Variants in YIPF4 observed in about 807,000 individuals in gnomAD.
The protein encoded by YIPF4 is protein YIPF4.
YIPF4 carries 18 observed loss-of-function variants against 29.4 expected under a neutral mutation model. The ratio of observed to expected loss-of-function variants is 0.61; its 90% confidence interval spans 0.42 to 0.91. YIPF4 has a LOEUF of 0.91. Among genes scored for constraint, YIPF4 ranks in the 40% least tolerant of loss-of-function variants. The pLI is 0.00. For synonymous variants in YIPF4, 115 were observed against 104.7 expected (o/e 1.10, Z -0.60); for missense variants, 279 against 282.7 (o/e 0.99, Z 0.09).
intron 2 of YIPF4, among the ~76,000 whole-genome samples, 161 bp from the exon 3 acceptor site, chr2:32,292,016 T>A (rs2030939547): frequency 6.6e-6 from 1 of 152,252 alleles, no homozygotes; most frequent in Non-Finnish European, 1.5e-5. Context: ...GTTAAAAATG[T>A]ACAGCTTGGA....
At chr2:32,292,084 C>G in intron 2 of YIPF4, 93 bp from the exon 3 acceptor site, 1 of 806,532 alleles carries the variant, frequency 1.2e-6, no homozygotes, top group Non-Finnish European at 1.8e-6. Flanking sequence ...GAGATTATAA[C>G]TGTCTTATTT....
intron 1 of YIPF4, 124 bp downstream of exon 1, chr2:32,278,358 C>A (rs1343473971): frequency 2.2e-6 from 2 of 914,546 alleles, no homozygotes; most frequent in Non-Finnish European, 3.2e-6. Flanking sequence ...CTGGTGACTG[C>A]AGCCCACCAC....
At position 32,310,996 on chromosome 2, in the gene YIPF4, C is replaced by T. The variant is rs2031706325; in HGVS notation, c.*5370C>T. 6.6e-6 allele frequency: 1 copy of T among 152,176 alleles called. No individual in the cohort carries two copies. Among genetic ancestry groups the T allele is most frequent in the South Asian group, 2.1e-4 (1 of 4,832 alleles). The allele number at this position is 152,176 out of a possible 1,614,324, so 9.4% of individuals were successfully genotyped here. ...TTGTGTGTTTGAGAATCTCTTGACA[C>T]TCTTCAAGTAAATCCCTAAATTACA... On this transcript the variant is annotated 3_prime_UTR_variant, in exon 6 of 6. Transcript: ENST00000238831.
intron 3 of YIPF4, among the ~76,000 whole-genome samples, chr2:32,292,552 T>C (rs2148962107): frequency 6.6e-6 from 1 of 152,264 alleles, no homozygotes; most frequent in East Asian, 1.9e-4. Context: ...TTCCACATCA[T>C]GATTCACATA....
At chr2:32,298,819 A>G (rs2031290034) in intron 4 of YIPF4, among the ~76,000 whole-genome samples, 1 of 152,018 alleles carries the variant, frequency 6.6e-6, no homozygotes, top group African/African-American at 2.4e-5. Context: ...TAGCCTCCCA[A>G]AGTGCTGGGA....
At chr2:32,296,896 T>C (rs2031208231) in intron 3 of YIPF4, among the ~76,000 whole-genome samples, 1 of 152,248 alleles carries the variant, frequency 6.6e-6, no homozygotes, top group East Asian at 1.9e-4. Flanking sequence ...TGATGATTTT[T>C]CTGTTTCCCT....
rs572428933 is a variant in YIPF4 at position 32,301,721 on chromosome 2, A to T, written c.597+226A>T. Among the ~76,000 whole-genome samples the T allele has an allele frequency of 9.2e-5, 14 of 152,276 alleles. No homozygotes were observed. In the East Asian group the frequency reaches 2.7e-3, roughly 29 times the overall value. ...TGGGGGAAAAAACAAAGAGCAAATC[A>T]GGTTTCAGGATATTATAGTCAGATT... is the stretch of plus-strand genomic sequence containing the variant. On this transcript the variant is annotated intron_variant, in intron 5 of 5. Transcript: ENST00000238831.
intron 3 of YIPF4, among the ~76,000 whole-genome samples, chr2:32,295,032 G>A (rs369394376): frequency 4.0e-5 from 6 of 150,744 alleles, no homozygotes; most frequent in Admixed American, 2.0e-4. Flanking sequence ...GTCCAGCTTC[G>A]GCTCGGCATC....
At chr2:32,282,815 G>T (rs942199868) in intron 1 of YIPF4, among the ~76,000 whole-genome samples, 1 of 151,862 alleles carries the variant, frequency 6.6e-6, no homozygotes, top group African/African-American at 2.4e-5. Context: ...GGTGGCTCAC[G>T]CCTGTAATCC....
chr2:32,293,027 C>CT lies in YIPF4; in HGVS notation c.405+687dup, dbSNP rs201766729. On this transcript the variant is annotated intron_variant, in intron 3 of 5. Coordinates refer to ENST00000238831, the MANE Select transcript of YIPF4 (RefSeq NM_032312.4). ...TAATACTCATATTCATATTTCTTAC[C>CT]TTTTTTTTGATTATTTTTATTTTTA... 1.2e-4 allele frequency among the ~76,000 whole-genome samples: 18 copies of CT among 149,628 alleles called. 1 individual carries two copies. The South Asian group carries it at 1.5e-3, about 12-fold the overall frequency.
In YIPF4 at chr2:32,306,771, T is replaced by G. The variant is rs1456751157; in HGVS notation, c.*1145T>G. Reference sequence around the variant, plus strand: ...TTGTAAAGTAGGTAAATCATTTTATTTATGTCCATAAAATATCAAATGTCT... The same window carrying G: ...TTGTAAAGTAGGTAAATCATTTTATGTATGTCCATAAAATATCAAATGTCT... On this transcript the variant is annotated 3_prime_UTR_variant, in exon 6 of 6. Coordinates refer to ENST00000238831, the MANE Select transcript of YIPF4 (RefSeq NM_032312.4). 2 of 219,492 alleles carry G rather than the reference T, an allele frequency of 9.1e-6. No individual in the cohort carries two copies. The highest frequency in any genetic ancestry group is 1.5e-5 in the Non-Finnish European group (2 of 129,338). The allele number at this position is 219,492 out of a possible 1,614,324, so 13.6% of individuals were successfully genotyped here. A position where few individuals can be genotyped will look rare whatever the true frequency, so the allele number is the denominator to read the frequency against.
At chr2:32,285,359 G>A (rs184562427) in intron 1 of YIPF4, among the ~76,000 whole-genome samples, 356 of 152,266 alleles carry the variant, frequency 2.3e-3, no homozygotes, top group African/African-American at 6.9e-3. Flanking sequence ...GCAAGGAAAT[G>A]TTGACAATAG....
In YIPF4 at chr2:32,290,497, A is replaced by T; in HGVS notation, c.94A>T (p.Ile32Leu). ...TTTCTCCTAAGATCTCAGTGGTTCA[A>T]TAGCATCCCCAGATGTCAAATTAAA... is the stretch of plus-strand genomic sequence containing the variant. Reference protein sequence around the residue: ...SADAEDLSGSIASPDVKLNLG... With the variant: ...SADAEDLSGSLASPDVKLNLG... Residue 32 changes from isoleucine (I) to leucine (L), a missense_variant, in exon 2 of 6, where the codon ATA becomes TTA. Coordinates refer to ENST00000238831, the MANE Select transcript of YIPF4 (RefSeq NM_032312.4). 6.4e-7 allele frequency: 1 copy of T among 1,565,266 alleles called. No individual in the cohort carries two copies. The highest frequency in any genetic ancestry group is 8.6e-7 in the Non-Finnish European group (1 of 1,157,078).
At chr2:32,298,121 A>C in intron 3 of YIPF4, 113 bp from the exon 4 acceptor site, 1 of 757,900 alleles carries the variant, frequency 1.3e-6, no homozygotes, top group South Asian at 1.6e-5. Flanking sequence ...TAATCTCTCT[A>C]TGACCTGAAA....
At chr2:32,298,788 A>G (rs547347716) in intron 4 of YIPF4, among the ~76,000 whole-genome samples, 1 of 152,034 alleles carries the variant, frequency 6.6e-6, no homozygotes, top group African/African-American at 2.4e-5. Context: ...TGAACTCCCA[A>G]CCTCAAGCGA....
At chr2:32,285,602 G>T (rs1221856764) in intron 1 of YIPF4, among the ~76,000 whole-genome samples, 1 of 151,152 alleles carries the variant, frequency 6.6e-6, no homozygotes, top group Non-Finnish European at 1.5e-5. Context: ...TCCCAGAAAG[G>T]ATGTCACCTC....
rs1186424729 is a variant in YIPF4, at chr2:32,316,093, G to A, written c.*10467G>A. 6.9e-6 allele frequency: 1 copy of A among 144,120 alleles called. No homozygotes were observed. The highest frequency in any genetic ancestry group is 1.5e-5 in the Non-Finnish European group (1 of 66,254). 8.9% of individuals were successfully genotyped at this position (144,120 alleles called of 1,614,324 possible). A position where few individuals can be genotyped will look rare whatever the true frequency, so the allele number is the denominator to read the frequency against. On this transcript the variant is annotated 3_prime_UTR_variant, in exon 6 of 6. Coordinates refer to ENST00000238831, the MANE Select transcript of YIPF4 (RefSeq NM_032312.4). ...CAGAAGCGAAAGGAAAAGTGATGAA[G>A]ACACTTGAAGACCTGTCATTTAAAA...
intron 5 of YIPF4, among the ~76,000 whole-genome samples, chr2:32,302,509 T>C (rs1573542688): frequency 6.6e-6 from 1 of 152,362 alleles, no homozygotes; most frequent in African/African-American, 2.4e-5. Flanking sequence ...TTCTAATAAA[T>C]TGGATTTTCC....
Position 32,278,039 on chromosome 2 carries a change from C to T in YIPF4, c.-117C>T, listed in dbSNP as rs770546570. 17 of 846,782 alleles carry T rather than the reference C, an allele frequency of 2.0e-5. No homozygotes were observed. The highest frequency in any genetic ancestry group is 2.5e-5 in the Non-Finnish European group (14 of 565,438). The allele number at this position is 846,782 out of a possible 1,614,324, so 52.5% of individuals were successfully genotyped here. A position where few individuals can be genotyped will look rare whatever the true frequency, so the allele number is the denominator to read the frequency against. On this transcript the variant is annotated 5_prime_UTR_variant, in exon 1 of 6. It adds an upstream start codon to the 5' untranslated region. Coordinates refer to ENST00000238831, the MANE Select transcript of YIPF4 (RefSeq NM_032312.4). ...TTTCTGGCCTCGCTCGCAGCTTGCA[C>T]GTCGAGACTCGTAGGCCGCACCGTA... is the stretch of plus-strand genomic sequence containing the variant.
Sources: gnomAD v4.1 joint callset for allele counts (sites outside exome capture counted in the v4.1 genomes callset) on GRCh38, gnomAD v4.1.1 for gene constraint, MANE v1.5 for transcripts, NCBI Gene and HGNC (gene_info 2026-07-23, HGNC 2026-07-21) for gene names.